The following GDA variants were observed in gnomAD, a reference collection of about 807,000 sequenced individuals.
GDA encodes guanine deaminase, also known as cytoplasmic PSD-95 interactor.
Under a neutral mutation model 59.6 loss-of-function variants are expected in GDA, and 18 were observed. The observed-to-expected ratio is 0.30, with a 90% CI of 0.21 to 0.45. GDA has a LOEUF of 0.45. GDA is among the 20% of genes least tolerant of loss of function. The pLI, the probability that GDA is intolerant of heterozygous loss-of-function variation, is 1.00. For synonymous variants in GDA, 201 were observed against 201.1 expected (o/e 1.00, Z 0.00); for missense variants, 427 against 552.3 (o/e 0.77, Z 2.27).
chr9:72,116,755 A>G (rs1021780174), intron 1 of GDA, among the ~76,000 whole-genome samples: 2 of 151,968 alleles, frequency 1.3e-5, no homozygotes, highest in Non-Finnish European at 2.9e-5. Flanking sequence ...CTAAAAATAT[A>G]TTCATATCGT....
rs1836069709 is a variant in GDA at position 72,216,081 on chromosome 9, A to C, written c.578+2090A>C. Among the ~76,000 whole-genome samples, 3 of 152,220 alleles carry C rather than the reference A, an allele frequency of 2.0e-5. No individual in the cohort carries two copies. In the South Asian group the frequency reaches 6.2e-4, roughly 32 times the overall value. On this transcript the variant is annotated intron_variant, in intron 5 of 13. Transcript: ENST00000358399. Reference sequence around the variant, plus strand: ...ACAGATAGGTAGCAAGGGACAATAGAAGCCTTGGTGAACTGATCCTCCACG... The same window carrying C: ...ACAGATAGGTAGCAAGGGACAATAGCAGCCTTGGTGAACTGATCCTCCACG...
At chr9:72,149,407 A>G, upstream of GDA, 4 of 780,802 alleles carry the variant, frequency 5.1e-6, no homozygotes, top group Non-Finnish European at 7.8e-6. Context: ...CGCGGCCTGC[A>G]GGGTACCGGC....
chr9:72,123,327 G>T (rs1825733241), intron 1 of GDA, among the ~76,000 whole-genome samples: 1 of 151,300 alleles, frequency 6.6e-6, no homozygotes, highest in Admixed American at 6.6e-5. Context: ...GGGACTACAG[G>T]CACCCGCCAC....
intron 1 of GDA, among the ~76,000 whole-genome samples, chr9:72,142,391 G>A (rs57058907): frequency 1.3e-5 from 2 of 151,952 alleles, no homozygotes; most frequent in African/African-American, 2.4e-5. Context: ...TGAGGTGGGC[G>A]GATCATGAGG....
At chr9:72,227,049 C>T (rs953020913) in intron 8 of GDA, among the ~76,000 whole-genome samples, 3 of 152,082 alleles carry the variant, frequency 2.0e-5, no homozygotes, top group East Asian at 3.9e-4. Context: ...ACCCAGGAGG[C>T]GGAGCTTGCA....
chr9:72,130,209 A>G (rs1254291666), intron 1 of GDA, among the ~76,000 whole-genome samples: 1 of 152,212 alleles, frequency 6.6e-6, no homozygotes, highest in Non-Finnish European at 1.5e-5. Context: ...TTTATTCATC[A>G]TGAAGGAATA....
At chr9:72,156,543 A>T (rs1827913566) in intron 1 of GDA, among the ~76,000 whole-genome samples, 1 of 152,200 alleles carries the variant, frequency 6.6e-6, no homozygotes, top group Non-Finnish European at 1.5e-5. Context: ...ACTCCCAATT[A>T]TTACAAGATC....
At chr9:72,206,515 G>A (rs1285168431) in intron 3 of GDA, among the ~76,000 whole-genome samples, 1 of 152,116 alleles carries the variant, frequency 6.6e-6, no homozygotes, top group East Asian at 1.9e-4. Flanking sequence ...GCTCATGCCT[G>A]TAATCCCAGC....
At chr9:72,239,840 T>C (rs1839419735) in intron 10 of GDA, among the ~76,000 whole-genome samples, 2 of 152,164 alleles carry the variant, frequency 1.3e-5, no homozygotes, top group Admixed American at 6.5e-5. Flanking sequence ...CTAATTTAAA[T>C]ACAAGTTTAA....
At chr9:72,189,549 A>G (rs117275605) in intron 1 of GDA, among the ~76,000 whole-genome samples, 1 of 152,280 alleles carries the variant, frequency 6.6e-6, no homozygotes, top group East Asian at 1.9e-4. Context: ...AATGAGATGA[A>G]TCTATTTTAG....
chr9:72,116,105 A>T (rs1339006331), intron 1 of GDA, among the ~76,000 whole-genome samples: 1 of 151,938 alleles, frequency 6.6e-6, no homozygotes, highest in Non-Finnish European at 1.5e-5. Flanking sequence ...GTGATGGTGC[A>T]TGCCTGTAAT....
In GDA at chr9:72,228,058, G is replaced by C; in HGVS notation, c.920+18G>C. 7.4e-7 allele frequency: 1 copy of C among 1,348,436 alleles called. No individual in the cohort carries two copies. Among genetic ancestry groups the C allele is most frequent in the African/African-American group, 1.4e-5 (1 of 70,248 alleles). 83.5% of individuals were successfully genotyped at this position (1,348,436 alleles called of 1,614,324 possible). A position where few individuals can be genotyped will look rare whatever the true frequency, so the allele number is the denominator to read the frequency against. On this transcript the variant is annotated intron_variant, in intron 9 of 13. Transcript: ENST00000358399. ...AATTTATCGTAAGTAGACAATGATT[G>C]TTTGGTAGATTACGAATGATTGGGT... is the stretch of plus-strand genomic sequence containing the variant.
intron 1 of GDA, among the ~76,000 whole-genome samples, chr9:72,173,125 C>G (rs1255777192): frequency 6.6e-6 from 1 of 152,142 alleles, no homozygotes; most frequent in Non-Finnish European, 1.5e-5. Flanking sequence ...TTTCACTGGT[C>G]CAAAATCAAG....
intron 11 of GDA, among the ~76,000 whole-genome samples, chr9:72,242,190 G>A (rs1264832189): frequency 1.3e-5 from 2 of 152,096 alleles, no homozygotes; most frequent in Admixed American, 1.3e-4. Context: ...CTTACCTTCT[G>A]CCCTTCCACT....
At chr9:72,191,473 CTT>C (rs572715868) in intron 1 of GDA, among the ~76,000 whole-genome samples, 17 of 138,008 alleles carry the variant, frequency 1.2e-4, no homozygotes, top group Admixed American at 3.6e-4. Context: ...AGGGAAGGCT[CTT>C]TTTTTTTTTT....
chr9:72,131,887 A>C (rs1826038996), intron 1 of GDA, among the ~76,000 whole-genome samples: 1 of 152,216 alleles, frequency 6.6e-6, no homozygotes, highest in Admixed American at 6.5e-5. Flanking sequence ...CTGGAAAGAA[A>C]AAGATGTTTA....
intron 5 of GDA, among the ~76,000 whole-genome samples, chr9:72,216,382 C>T (rs1223160006): frequency 6.6e-6 from 1 of 152,280 alleles, no homozygotes; most frequent in African/African-American, 2.4e-5. Flanking sequence ...ACTGGGTCAC[C>T]AAGGCCATAT....
At chr9:72,171,047 G>C (rs1194236214) in intron 1 of GDA, among the ~76,000 whole-genome samples, 1 of 152,090 alleles carries the variant, frequency 6.6e-6, no homozygotes, top group African/African-American at 2.4e-5. Context: ...AAACACCTGA[G>C]CTCTGGCAGT....
At chr9:72,236,774 C>CTTTTT (rs1564168629) in intron 10 of GDA, among the ~76,000 whole-genome samples, 3 of 127,594 alleles carry the variant, frequency 2.4e-5, no homozygotes, top group African/African-American at 2.8e-5. Context: ...AAAACCACTC[C>CTTTTT]TATTTTTTTT....
Sources: gnomAD v4.1 joint callset for allele counts (sites outside exome capture counted in the v4.1 genomes callset) on GRCh38, gnomAD v4.1.1 for gene constraint, MANE v1.5 for transcripts, NCBI Gene and HGNC (gene_info 2026-07-23, HGNC 2026-07-21) for gene names.